MAX: variants seen among roughly 807,000 people sequenced by gnomAD.
MAX encodes MYC associated transcriptional regulator X.
Under a neutral mutation model 22.3 loss-of-function variants are expected in MAX, and 3 were observed. The ratio of observed to expected loss-of-function variants is 0.13; its 90% CI spans 0.06 to 0.35. The LOEUF (loss-of-function observed/expected upper bound fraction) is 0.35. Among genes scored for constraint, MAX ranks in the 10% least tolerant of loss-of-function variants. The probability of loss-of-function intolerance (pLI) is 1.00; values close to 1 mark genes in which losing one functional copy is unlikely to be tolerated. For missense variants in MAX, 119 were observed against 209.4 expected (o/e 0.57, Z 2.66); for synonymous variants, 72 against 77.7 (o/e 0.93, Z 0.39).
chr14:65,013,251 G>C (rs1430730721), intron 3 of MAX, among the ~76,000 whole-genome samples: 3 of 152,102 alleles, frequency 2.0e-5, no homozygotes, highest in East Asian at 3.8e-4. Context: ...GAGACCCTGT[G>C]CCCTTAACTT....
chr14:65,037,424 TTTTTTTTTTTTTTTTTTTTTTTG>T, intron 3 of MAX, among the ~76,000 whole-genome samples: 2 of 113,106 alleles, frequency 1.8e-5, no homozygotes, highest in African/African-American at 3.7e-5. Flanking sequence ...TTTTTTTTTT[TTTTTTTTTTTTTTTTTTTTTTTG>T]AGACGTCTCT....
rs1447123338 is a variant in MAX, at chr14:65,031,379, A to G, written c.172-25095T>C. ...GTTGCCCAAGCTGGAATGCAGTGGCATGATCTTGGCTCACTGCAACCCCCG... is the reference window on the plus strand; with the variant it reads ...GTTGCCCAAGCTGGAATGCAGTGGCGTGATCTTGGCTCACTGCAACCCCCG... On this transcript the variant is annotated intron_variant, in intron 3 of 3. Transcript: ENST00000341653. The surrounding 1 kb of genome is among the most constrained non-coding windows in gnomAD (Gnocchi z 4.6). 2.0e-5 allele frequency among the ~76,000 whole-genome samples: 3 copies of G among 151,004 alleles called. No homozygotes were observed. Among genetic ancestry groups the G allele is most frequent in the Non-Finnish European group, 4.4e-5 (3 of 67,654 alleles).
chr14:65,060,085 G>A (rs1043798432), intron 3 of MAX, among the ~76,000 whole-genome samples: 6 of 151,072 alleles, frequency 4.0e-5, no homozygotes, highest in Non-Finnish European at 7.4e-5. Context: ...CATCCACCTC[G>A]GCCTCCCAAA....
intron 3 of MAX, among the ~76,000 whole-genome samples, chr14:65,042,416 G>A (rs187593349): frequency 6.6e-6 from 1 of 152,286 alleles, no homozygotes; most frequent in African/African-American, 2.4e-5. Flanking sequence ...CATGTAGAGC[G>A]TGCAACCTAG....
intron 3 of MAX, chr14:65,053,105 T>C (rs1209656098): frequency 1.2e-5 from 7 of 588,910 alleles, no homozygotes; most frequent in Non-Finnish European, 1.8e-5. Flanking sequence ...AAGATAGCAG[T>C]TGTACCAAGA....
intron 3 of MAX, among the ~76,000 whole-genome samples, chr14:65,063,039 CTG>C (rs2062892584): frequency 6.6e-6 from 1 of 152,336 alleles, no homozygotes; most frequent in African/African-American, 2.4e-5. Flanking sequence ...GGCTGGAACT[CTG>C]TGGCCACTTG....
Position 65,027,389 on chromosome 14 carries a change from G to A in MAX, c.172-21105C>T. 1.3e-6 allele frequency: 2 copies of A among 1,593,046 alleles called. No homozygotes were observed. Among genetic ancestry groups the A allele is most frequent in the South Asian group, 1.1e-5 (1 of 87,620 alleles). ...CATTGGAAAGGCCTGGAATCTAGTG[G>A]GAATTTGGTGTTTTGACATGAATGC... On this transcript the variant is annotated intron_variant, in intron 3 of 3. Coordinates refer to the MAX transcript ENST00000341653. This position sits in a 1 kb window ranked among gnomAD's most constrained non-coding sequence, Gnocchi z 5.7.
chr14:65,095,211 T>C (rs2063627219), intron 2 of MAX, among the ~76,000 whole-genome samples: 1 of 152,248 alleles, frequency 6.6e-6, no homozygotes, highest in African/African-American at 2.4e-5. Context: ...ATACCTCACC[T>C]ACAGCTCTGT....
chr14:65,087,276 C>G (rs1219350900), intron 3 of MAX, among the ~76,000 whole-genome samples: 1 of 152,192 alleles, frequency 6.6e-6, no homozygotes, highest in Non-Finnish European at 1.5e-5. Context: ...TCTACTGGGG[C>G]CCTCTCTAGT....
chr14:65,096,895 C>G (rs1224862663), intron 2 of MAX, among the ~76,000 whole-genome samples: 2 of 152,260 alleles, frequency 1.3e-5, no homozygotes, highest in East Asian at 3.9e-4. Flanking sequence ...CCAAACATCT[C>G]CCCTACACAT....
intron 3 of MAX, among the ~76,000 whole-genome samples, chr14:65,059,650 A>G (rs2062816407): frequency 6.6e-6 from 1 of 152,098 alleles, no homozygotes; most frequent in Non-Finnish European, 1.5e-5. Flanking sequence ...CTTCTTCATT[A>G]TCCCACAGTG....
At position 65,027,429 on chromosome 14, in the gene MAX, T is replaced by C. The variant is rs746486841; in HGVS notation, c.172-21145A>G. ...GACATGAATGCTCTCTGACTTTGTT[T>C]TTGCCCTTTGGCTGTGTACCTAGTG... On this transcript the variant is annotated intron_variant, in intron 3 of 3. Coordinates refer to the MAX transcript ENST00000341653. This position sits in a 1 kb window ranked among gnomAD's most constrained non-coding sequence, Gnocchi z 5.7. 8 of 1,612,850 alleles carry C rather than the reference T, an allele frequency of 5.0e-6. No individual in the cohort carries two copies. In the South Asian group the frequency reaches 7.7e-5, roughly 16 times the overall value.
At chr14:65,067,991 A>G (rs897091053) in intron 3 of MAX, among the ~76,000 whole-genome samples, 1 of 152,096 alleles carries the variant, frequency 6.6e-6, no homozygotes, top group Non-Finnish European at 1.5e-5. Context: ...CTCATCACAC[A>G]TCAAGGATAC....
At chr14:65,068,578 C>T (rs1374565729) in intron 3 of MAX, among the ~76,000 whole-genome samples, 1 of 152,058 alleles carries the variant, frequency 6.6e-6, no homozygotes, top group Admixed American at 6.6e-5. Flanking sequence ...TTATTTTATA[C>T]TTCATATTAT....
intron 3 of MAX, among the ~76,000 whole-genome samples, chr14:65,048,041 G>A (rs1428725180): frequency 1.5e-5 from 2 of 136,540 alleles, no homozygotes; most frequent in African/African-American, 5.6e-5. Flanking sequence ...AGGCTGGAGT[G>A]CAGTGGTGCA....
chr14:65,093,960 G>T lies in MAX; in HGVS notation c.64-145C>A. The T allele has an allele frequency of 1.4e-6, 1 of 703,002 alleles. No homozygotes were observed. The highest frequency in any genetic ancestry group is 2.0e-5 in the Admixed American group (1 of 49,940). The allele number at this position is 703,002 out of a possible 1,614,324, so 43.5% of individuals were successfully genotyped here. A position where few individuals can be genotyped will look rare whatever the true frequency, so the allele number is the denominator to read the frequency against. ...AGGATTTCTCGAGGTGGGCAGTTAG[G>T]AGTCTCCAGAATTAGGCTCTGCTAA... is the stretch of plus-strand genomic sequence containing the variant. On this transcript the variant is annotated intron_variant, in intron 2 of 4. Coordinates refer to ENST00000358664, the MANE Select transcript of MAX (RefSeq NM_002382.5). The surrounding 1 kb of genome is among the most constrained non-coding windows in gnomAD (Gnocchi z 4.4).
downstream of MAX, among the ~76,000 whole-genome samples, chr14:65,071,494 C>T (rs542053173): frequency 1.6e-4 from 24 of 152,338 alleles, no homozygotes; most frequent in African/African-American, 5.5e-4. This position sits in a 1 kb window ranked among gnomAD's most constrained non-coding sequence, Gnocchi z 4.2. Context: ...CCCAGGACAT[C>T]TGATGGCAGA....
chr14:65,058,598 G>A (rs987583364), intron 3 of MAX, among the ~76,000 whole-genome samples: 12 of 152,308 alleles, frequency 7.9e-5, no homozygotes, highest in Admixed American at 7.2e-4. Flanking sequence ...GTAAGGTTGT[G>A]ATAGTTACAT....
chr14:65,101,637 A>G, intron 1 of MAX, 65 bp from the exon 2 acceptor site: 1 of 1,260,296 alleles, frequency 7.9e-7, no homozygotes, highest in African/African-American at 1.5e-5. Flanking sequence ...AACATTCAAT[A>G]ATAAGAAAGA....
Sources: gnomAD v4.1 joint callset for allele counts (sites outside exome capture counted in the v4.1 genomes callset) on GRCh38, gnomAD v4.1.1 for gene constraint, Gnocchi (gnomAD v3.1) non-coding constraint, MANE v1.5 for transcripts, NCBI Gene and HGNC (gene_info 2026-07-23, HGNC 2026-07-21) for gene names.